The following CADM2 variants were observed in gnomAD, a reference collection of about 807,000 sequenced individuals.
CADM2 encodes the protein immunoglobulin superfamily member 4D.
CADM2 carries 12 observed loss-of-function variants against 49.8 expected under a neutral mutation model. That is an observed-to-expected ratio of 0.24 (90% CI 0.15 to 0.39). CADM2 has a LOEUF of 0.39. CADM2 is among the 10% of genes least tolerant of loss of function. The pLI is 1.00. For synonymous variants in CADM2, 214 were observed against 175.4 expected (o/e 1.22, Z -1.74); for missense variants, 378 against 492.3 (o/e 0.77, Z 2.20).
chr3:85,467,460 T>C (rs1036457168), intron 1 of CADM2, among the ~76,000 whole-genome samples: 2 of 152,196 alleles, frequency 1.3e-5, no homozygotes, highest in African/African-American at 4.8e-5. Context: ...TGCTGGTAAC[T>C]TGTCACAAAG....
At chr3:86,026,131 G>C in intron 8 of CADM2, among the ~76,000 whole-genome samples, 1 of 152,096 alleles carries the variant, frequency 6.6e-6, no homozygotes, top group East Asian at 1.9e-4. Flanking sequence ...GCTCTTCATT[G>C]TGTGGAATTA....
At chr3:85,627,424 T>G (rs2107509589) in intron 1 of CADM2, among the ~76,000 whole-genome samples, 1 of 152,182 alleles carries the variant, frequency 6.6e-6, no homozygotes, top group Non-Finnish European at 1.5e-5. Flanking sequence ...TATTCATATA[T>G]ATACATGCAC....
intron 1 of CADM2, among the ~76,000 whole-genome samples, chr3:85,278,266 G>T (rs1445547961): frequency 6.6e-6 from 1 of 151,158 alleles, no homozygotes; most frequent in Non-Finnish European, 1.5e-5. Flanking sequence ...CAATAAATAT[G>T]ATCTCACATT....
chr3:85,719,027 C>T (rs888667756), intron 1 of CADM2, among the ~76,000 whole-genome samples: 1 of 151,670 alleles, frequency 6.6e-6, no homozygotes, highest in African/African-American at 2.4e-5. Context: ...ATTCTCCTGT[C>T]TCAGCCACCC....
At position 85,210,157 on chromosome 3, in the gene CADM2, A is replaced by T. The variant is rs576397140; in HGVS notation, c.61+250489A>T. Among the ~76,000 whole-genome samples, 6 of 152,302 alleles carry T rather than the reference A, an allele frequency of 3.9e-5. No individual in the cohort carries two copies. The South Asian group carries it at 1.2e-3, about 32-fold the overall frequency. ...TATTGTTTCGAGGTATGTTCCTACT[A>T]GTCCAGTTTCTTAAGAGTTTTTATC... On this transcript the variant is annotated intron_variant, in intron 1 of 9. Coordinates refer to ENST00000383699, the MANE Select transcript of CADM2 (RefSeq NM_001167675.2).
At chr3:85,271,004 G>C (rs1270803932) in intron 1 of CADM2, among the ~76,000 whole-genome samples, 1 of 151,152 alleles carries the variant, frequency 6.6e-6, no homozygotes, top group Non-Finnish European at 1.5e-5. Flanking sequence ...TTTTAAACTG[G>C]GGAAGGTTAA....
intron 1 of CADM2, among the ~76,000 whole-genome samples, chr3:85,647,029 T>G (rs772409539): frequency 5.3e-5 from 8 of 151,988 alleles, no homozygotes; most frequent in Non-Finnish European, 8.9e-5. Context: ...TGAACGTAAC[T>G]TGGATTTGTA....
intron 1 of CADM2, among the ~76,000 whole-genome samples, chr3:85,227,452 CTT>C (rs143104896): frequency 1.2e-3 from 142 of 120,794 alleles, no homozygotes; most frequent in African/African-American, 3.1e-3. Flanking sequence ...GCAACCCCTG[CTT>C]TTTTTTTTTT....
chr3:85,696,040 A>C (rs970822084), intron 1 of CADM2, among the ~76,000 whole-genome samples: 1 of 151,970 alleles, frequency 6.6e-6, no homozygotes, highest in African/African-American at 2.4e-5. Context: ...AGCATTTTTC[A>C]TATGTTTATT....
At chr3:85,185,473 A>G (rs966367988) in intron 1 of CADM2, among the ~76,000 whole-genome samples, 2 of 152,168 alleles carry the variant, frequency 1.3e-5, no homozygotes, top group African/African-American at 4.8e-5. Context: ...ATGCAGCATA[A>G]GCACTTATAT....
intron 2 of CADM2, among the ~76,000 whole-genome samples, chr3:85,782,086 GTTGA>G (rs1200288128): frequency 1.3e-5 from 2 of 152,186 alleles, no homozygotes; most frequent in African/African-American, 4.8e-5. Flanking sequence ...AGCTTTTGGA[GTTGA>G]TTGAGTATAT....
chr3:85,677,986 T>C (rs901156257), intron 1 of CADM2, among the ~76,000 whole-genome samples: 1 of 152,206 alleles, frequency 6.6e-6, no homozygotes, highest in African/African-American at 2.4e-5. Flanking sequence ...CCTACAACTA[T>C]GGTTGGAGGA....
At chr3:85,325,973 A>G (rs1228138708) in intron 1 of CADM2, among the ~76,000 whole-genome samples, 1 of 152,208 alleles carries the variant, frequency 6.6e-6, no homozygotes, top group East Asian at 1.9e-4. Context: ...AACATGTTGG[A>G]AAATGATTTA....
intron 1 of CADM2, among the ~76,000 whole-genome samples, chr3:84,973,960 A>T (rs1559597309): frequency 6.6e-6 from 1 of 152,138 alleles, no homozygotes; most frequent in Non-Finnish European, 1.5e-5. Flanking sequence ...ATACATGGGG[A>T]TACCATTTAA....
chr3:85,026,575 AC>A, intron 1 of CADM2, among the ~76,000 whole-genome samples: 1 of 152,194 alleles, frequency 6.6e-6, no homozygotes, highest in East Asian at 1.9e-4. Context: ...TGCCTATGCT[AC>A]CAATACACAT....
At chr3:85,516,095 A>G (rs974916404) in intron 1 of CADM2, among the ~76,000 whole-genome samples, 5 of 152,128 alleles carry the variant, frequency 3.3e-5, no homozygotes, top group African/African-American at 1.2e-4. Context: ...AATATTCATG[A>G]TCATTTCAGT....
At chr3:85,087,251 C>T (rs373340758) in intron 1 of CADM2, among the ~76,000 whole-genome samples, 9 of 151,904 alleles carry the variant, frequency 5.9e-5, no homozygotes, top group Non-Finnish European at 1.2e-4. Flanking sequence ...TAATGCCAGG[C>T]GCCCACATGT....
At chr3:85,446,339 A>G (rs1311346604) in intron 1 of CADM2, among the ~76,000 whole-genome samples, 1 of 152,178 alleles carries the variant, frequency 6.6e-6, no homozygotes, top group African/African-American at 2.4e-5. Context: ...AGAAGACATA[A>G]AAATGCCCCA....
At chr3:85,727,351 A>G (rs2067745636) in intron 2 of CADM2, among the ~76,000 whole-genome samples, 1 of 152,154 alleles carries the variant, frequency 6.6e-6, no homozygotes, top group Non-Finnish European at 1.5e-5. Flanking sequence ...AGTGTTAACT[A>G]TTCCCTATTT....
Sources: allele counts gnomAD v4.1 joint callset (sites outside exome capture counted in the v4.1 genomes callset), GRCh38; gene constraint gnomAD v4.1.1; transcripts MANE v1.5; gene names NCBI Gene and HGNC (gene_info 2026-07-23, HGNC 2026-07-21).